RHBDL2: variants seen among roughly 807,000 people sequenced by gnomAD.
RHBDL2 encodes rhomboid like 2.
RHBDL2 carries 26 observed loss-of-function variants against 31.7 expected under a neutral mutation model. The observed-to-expected ratio is 0.82, with a 90% CI of 0.60 to 1.14. The LOEUF is 1.14. Ranked by LOEUF, RHBDL2 falls within the 50% of genes most tolerant of loss-of-function variation. The pLI is 0.00. For synonymous variants in RHBDL2, 123 were observed against 127.2 expected, an observed-to-expected ratio of 0.97 and a Z score of 0.22; for missense variants, 336 against 364.4, an observed-to-expected ratio of 0.92 and a Z score of 0.63.
chr1:38,931,699 A>T (rs999851175), intron 1 of RHBDL2, among the ~76,000 whole-genome samples: 1 of 148,408 alleles, frequency 6.7e-6, no homozygotes, highest in African/African-American at 2.5e-5. Context: ...ACACATGGGA[A>T]AAAAAAAAAA....
chr1:38,935,321 T>A (rs1391850405), intron 1 of RHBDL2, among the ~76,000 whole-genome samples: 1 of 152,232 alleles, frequency 6.6e-6, no homozygotes, highest in East Asian at 1.9e-4. Context: ...TCAATTCTAA[T>A]TTTATAACAC....
chr1:38,919,567 A>G (rs1285126779), intron 1 of RHBDL2, among the ~76,000 whole-genome samples: 1 of 149,770 alleles, frequency 6.7e-6, no homozygotes, highest in Non-Finnish European at 1.5e-5. Flanking sequence ...ACATAACATA[A>G]AATTTACCAT....
At chr1:38,889,847 G>T (rs1380900907) in intron 6 of RHBDL2, among the ~76,000 whole-genome samples, 2 of 152,126 alleles carry the variant, frequency 1.3e-5, no homozygotes, top group South Asian at 2.1e-4. Context: ...CCTAGGAGAT[G>T]AAAAGACCTA....
At chr1:38,911,008 G>A (rs1022272477) in intron 4 of RHBDL2, among the ~76,000 whole-genome samples, 1 of 151,862 alleles carries the variant, frequency 6.6e-6, no homozygotes, top group African/African-American at 2.4e-5. Flanking sequence ...CGAACTCCTG[G>A]CCTCGTGTGA....
intron 1 of RHBDL2, chr1:38,929,390 C>G: frequency 7.8e-7 from 1 of 1,289,204 alleles, no homozygotes; most frequent in Non-Finnish European, 1.0e-6. Context: ...CTAAATCAGG[C>G]TCACCTTCCC....
chr1:38,935,299 C>CAAT (rs1643486429), intron 1 of RHBDL2, among the ~76,000 whole-genome samples: 1 of 152,222 alleles, frequency 6.6e-6, no homozygotes, highest in Admixed American at 6.5e-5. Flanking sequence ...CCCATGACAA[C>CAAT]TGGCTCATGT....
At chr1:38,895,041 A>C (rs1642900023) in intron 5 of RHBDL2, among the ~76,000 whole-genome samples, 4 of 152,284 alleles carry the variant, frequency 2.6e-5, no homozygotes, top group African/African-American at 9.6e-5. Flanking sequence ...TAAACATGAA[A>C]AGCAGGAATC....
intron 1 of RHBDL2, among the ~76,000 whole-genome samples, chr1:38,921,858 A>G (rs1386889459): frequency 6.6e-6 from 1 of 152,312 alleles, no homozygotes; most frequent in East Asian, 1.9e-4. Context: ...GCTTTTAACC[A>G]CAAATATTAA....
intron 1 of RHBDL2, chr1:38,926,741 G>A (rs1473690336): frequency 3.3e-5 from 5 of 152,478 alleles, no homozygotes; most frequent in African/African-American, 1.2e-4. Flanking sequence ...TGGGGATGCT[G>A]AGGCAGGAGA....
intron 4 of RHBDL2, among the ~76,000 whole-genome samples, chr1:38,904,298 G>T (rs750717443): frequency 4.6e-5 from 7 of 151,926 alleles, no homozygotes; most frequent in African/African-American, 1.7e-4. Flanking sequence ...GTGAAACCCC[G>T]TCTCTACTAA....
intron 3 of RHBDL2, chr1:38,913,516 T>A (rs1439986886): frequency 6.6e-6 from 1 of 151,360 alleles, no homozygotes; most frequent in Admixed American, 6.6e-5. Context: ...TTTATTTATT[T>A]TTAACTTTTT....
At chr1:38,939,974 C>G (rs1373758009) in intron 1 of RHBDL2, among the ~76,000 whole-genome samples, 1 of 152,084 alleles carries the variant, frequency 6.6e-6, no homozygotes, top group African/African-American at 2.4e-5. Context: ...CCGCCCCCAG[C>G]CTGGTCTTTC....
chr1:38,903,546 TA>T (rs908546536), intron 4 of RHBDL2, among the ~76,000 whole-genome samples: 20 of 152,142 alleles, frequency 1.3e-4, no homozygotes, highest in African/African-American at 4.8e-4. Context: ...CACTGAAAAC[TA>T]AAAAACATGC....
chr1:38,902,857 CCA>C, intron 4 of RHBDL2, among the ~76,000 whole-genome samples: 1 of 151,870 alleles, frequency 6.6e-6, no homozygotes. Flanking sequence ...CAGCCCCTAA[CCA>C]CAGTTAAACT....
chr1:38,897,322 G>A (rs1003385029), intron 4 of RHBDL2, among the ~76,000 whole-genome samples: 3 of 152,126 alleles, frequency 2.0e-5, no homozygotes, highest in East Asian at 1.9e-4. Flanking sequence ...GGATGGTCTC[G>A]ATCTCCTGAC....
At chr1:38,902,403 T>A (rs1643004163) in intron 4 of RHBDL2, among the ~76,000 whole-genome samples, 1 of 127,696 alleles carries the variant, frequency 7.8e-6, no homozygotes, top group African/African-American at 3.0e-5. Context: ...TATTTCATTT[T>A]ATTTTTTTAT....
intron 6 of RHBDL2, among the ~76,000 whole-genome samples, chr1:38,889,204 G>T (rs991486515): frequency 6.6e-6 from 1 of 151,930 alleles, no homozygotes; most frequent in Non-Finnish European, 1.5e-5. Context: ...AGCAATTCTC[G>T]TGCCTCAGCC....
chr1:38,933,186 G>A (rs568565460), intron 1 of RHBDL2, among the ~76,000 whole-genome samples: 27 of 152,062 alleles, frequency 1.8e-4, no homozygotes, highest in African/African-American at 4.6e-4. Flanking sequence ...CCACAGGGAC[G>A]TCTTTCTGTT....
intron 4 of RHBDL2, among the ~76,000 whole-genome samples, chr1:38,902,987 C>T (rs574190600): frequency 6.6e-6 from 1 of 152,192 alleles, no homozygotes; most frequent in South Asian, 2.1e-4. Flanking sequence ...CAAGTACAGA[C>T]AACATAATAA....
Sources: allele counts gnomAD v4.1 joint callset (sites outside exome capture counted in the v4.1 genomes callset), GRCh38; gene constraint gnomAD v4.1.1; transcripts MANE v1.5; gene names NCBI Gene and HGNC (gene_info 2026-07-23, HGNC 2026-07-21).